Variants in ELMOD3 observed in about 807,000 individuals in gnomAD.
ELMOD3 encodes the protein ELMO domain-containing protein 3.
Under a neutral mutation model 47.4 loss-of-function variants are expected in ELMOD3, and 36 were observed. The ratio of observed to expected loss-of-function variants is 0.76; its 90% CI spans 0.58 to 1.00. The LOEUF (loss-of-function observed/expected upper bound fraction) is 1.00, where lower values mean the gene tolerates loss of function less well. ELMOD3 is among the 50% of genes least tolerant of loss of function. The probability of loss-of-function intolerance (pLI) is 0.00; values close to 1 mark genes in which losing one functional copy is unlikely to be tolerated. For missense variants in ELMOD3, 404 were observed against 463.8 expected (o/e 0.87, Z 1.18); for synonymous variants, 149 against 183.5 (o/e 0.81, Z 1.52).
In ELMOD3 at chr2:85,390,060, G is replaced by A. The variant is rs765719945; in HGVS notation, c.816-78G>A. ...TTTGGGCTGGCTCCCCTGGGGAAAT[G>A]GGGAAGGAAGGCGGGAGGGAACCTA... is the stretch of plus-strand genomic sequence containing the variant. On this transcript the variant is annotated intron_variant, in intron 12 of 13. Transcript: ENST00000409013. 2.1e-6 allele frequency: 3 copies of A among 1,434,416 alleles called. No individual in the cohort carries two copies. The East Asian group carries it at 6.8e-5, about 33-fold the overall frequency. 88.9% of individuals were successfully genotyped at this position (1,434,416 alleles called of 1,614,324 possible).
At chr2:85,372,369 G>A (rs1001650887) in intron 10 of ELMOD3, 1 of 152,064 alleles carries the variant, frequency 6.6e-6, no homozygotes, top group African/African-American at 2.4e-5. Flanking sequence ...GGCTGAGGTG[G>A]AGATGAAAGT....
In ELMOD3 at chr2:85,360,297, C is replaced by T. The variant is rs868504707; in HGVS notation, c.55-1889C>T. Among the ~76,000 whole-genome samples, 166 of 145,314 alleles carry T rather than the reference C, an allele frequency of 1.1e-3. 1 individual carries two copies. Among genetic ancestry groups the T allele is most frequent in the African/African-American group, 3.9e-3 (156 of 39,690 alleles). On this transcript the variant is annotated intron_variant, in intron 4 of 13. Transcript: ENST00000409013. ...AAAAAAAAAAAAAAAGCCACCATTT[C>T]AGTTACCTTTTGTGTAAACCATCTA...
At chr2:85,387,291 G>C in intron 11 of ELMOD3, 1 of 1,020,430 alleles carries the variant, frequency 9.8e-7, no homozygotes, top group Non-Finnish European at 1.2e-6. Context: ...CTAGTACTTT[G>C]CACATGTGAT....
In ELMOD3 at chr2:85,354,834, G is replaced by C. The variant is rs1422124252; in HGVS notation, c.-372+5G>C. On this transcript the variant is annotated splice_donor_5th_base_variant and intron_variant, in intron 1 of 13. Coordinates refer to ENST00000409013, the MANE Select transcript of ELMOD3 (RefSeq NM_001135022.2). ...GTTTGGAAAGCTCTTTTAACGGTGA[G>C]AACGCGTTAACACTTGCCAAGGGGA... The C allele has an allele frequency of 6.0e-5, 15 of 251,708 alleles. No individual in the cohort carries two copies. In the Admixed American group the frequency reaches 7.0e-4, roughly 12 times the overall value. 15.6% of individuals were successfully genotyped at this position (251,708 alleles called of 1,614,324 possible).
chr2:85,368,313 A>G (rs1684543599), intron 6 of ELMOD3: 4 of 214,096 alleles, frequency 1.9e-5, no homozygotes, highest in Non-Finnish European at 2.9e-5. Context: ...CTGTAGTTCC[A>G]GGTACTCAGG....
At chr2:85,373,611 C>A (rs1279813276) in intron 10 of ELMOD3, among the ~76,000 whole-genome samples, 1 of 151,970 alleles carries the variant, frequency 6.6e-6, no homozygotes, top group African/African-American at 2.4e-5. Flanking sequence ...GAGGCCACGG[C>A]GGGAGGATCA....
Position 85,390,892 on chromosome 2 carries a change from T to C in ELMOD3, c.1076T>C (p.Phe359Ser). The C allele has an allele frequency of 6.4e-7, 1 of 1,551,610 alleles. No individual in the cohort carries two copies. The highest frequency in any genetic ancestry group is 2.4e-5 in the East Asian group (1 of 40,900). Residue 359 changes from phenylalanine (F) to serine (S), a missense_variant, in exon 14 of 14, where the codon TTC (phenylalanine) becomes TCC (serine). Coordinates refer to ENST00000409013, the MANE Select transcript of ELMOD3 (RefSeq NM_001135022.2). ...QKCYGPEAPP[F>S]KDLTFTGESD... ...TGCTATGGGCCAGAAGCCCCTCCCT[T>C]CAAGGATCTCACCTTCACAGGTGAG...
rs1011900657 is a variant in ELMOD3 at position 85,363,169 on chromosome 2, A to T, written c.199+3A>T. 2.5e-6 allele frequency: 4 copies of T among 1,594,990 alleles called. No homozygotes were observed. The African/African-American group carries it at 5.4e-5, about 21-fold the overall frequency. On this transcript the variant is annotated splice_donor_region_variant and intron_variant, in intron 6 of 13. Transcript: ENST00000409013. Reference sequence around the variant, plus strand: ...AGCTTATGAATGGGAGCCACGTGGTAAGGTTCCCTTCAGGGCCCTTGGAGT... The same window carrying T: ...AGCTTATGAATGGGAGCCACGTGGTTAGGTTCCCTTCAGGGCCCTTGGAGT...
chr2:85,355,977 C>G (rs987038062), intron 3 of ELMOD3: 1 of 95,042 alleles, frequency 1.1e-5, no homozygotes, highest in African/African-American at 5.1e-5. Flanking sequence ...GGGCTGACCT[C>G]ATAGAGAGGC....
At chr2:85,358,354 T>TTGC (rs997152537) in intron 4 of ELMOD3, among the ~76,000 whole-genome samples, 4 of 152,060 alleles carry the variant, frequency 2.6e-5, no homozygotes, top group African/African-American at 9.7e-5. Flanking sequence ...AGAGGAACTT[T>TTGC]TGCTGCATAC....
intron 6 of ELMOD3, among the ~76,000 whole-genome samples, chr2:85,366,216 C>G (rs555232256): frequency 2.6e-5 from 4 of 151,808 alleles, no homozygotes; most frequent in Non-Finnish European, 4.4e-5. Flanking sequence ...GGTGATCCAC[C>G]CACCTCAGCG....
At position 85,390,868 on chromosome 2, in the gene ELMOD3, G is replaced by T; in HGVS notation, c.1052G>T (p.Cys351Phe). 1 of 1,551,712 alleles carries T rather than the reference G, an allele frequency of 6.4e-7. No individual in the cohort carries two copies. Among genetic ancestry groups the T allele is most frequent in the Non-Finnish European group, 8.7e-7 (1 of 1,147,006 alleles). Residue 351 changes from cysteine (C) to phenylalanine (F), a missense_variant, in exon 14 of 14, where the codon TGC (cysteine) becomes TTC (phenylalanine). Transcript: ENST00000409013. ...GQASLLGAQK[C>F]YGPEAPPFKD... is the part of the protein sequence containing the mutation. Reference sequence around the variant, plus strand: ...GCCTCCTTGTTGGGAGCACAGAAGTGCTATGGGCCAGAAGCCCCTCCCTTC... The same window carrying T: ...GCCTCCTTGTTGGGAGCACAGAAGTTCTATGGGCCAGAAGCCCCTCCCTTC...
At chr2:85,382,532 T>TTTTTTTTTTTTTA (rs1685637622) in intron 11 of ELMOD3, among the ~76,000 whole-genome samples, 1 of 151,342 alleles carries the variant, frequency 6.6e-6, no homozygotes, top group East Asian at 1.9e-4. Context: ...TTTTTTTTTT[T>TTTTTTTTTTTTTA]GAGACAGAGT....
At chr2:85,359,373 T>C (rs1302594554) in intron 4 of ELMOD3, among the ~76,000 whole-genome samples, 1 of 151,700 alleles carries the variant, frequency 6.6e-6, no homozygotes, top group Non-Finnish European at 1.5e-5. Flanking sequence ...TTTGATAATC[T>C]GACTAATGAA....
intron 7 of ELMOD3, among the ~76,000 whole-genome samples, chr2:85,369,067 A>G (rs1684603916): frequency 6.6e-6 from 1 of 152,136 alleles, no homozygotes; most frequent in South Asian, 2.1e-4. Context: ...GCTGGGTAGG[A>G]GGATGGAGAT....
chr2:85,369,173 GT>G (rs1684610145), intron 7 of ELMOD3, among the ~76,000 whole-genome samples: 1 of 152,204 alleles, frequency 6.6e-6, no homozygotes, highest in Non-Finnish European at 1.5e-5. Context: ...TGAAGGCTGA[GT>G]AAAAATTGTC....
chr2:85,386,414 T>G (rs1685925407), intron 11 of ELMOD3, among the ~76,000 whole-genome samples: 2 of 129,612 alleles, frequency 1.5e-5, no homozygotes, highest in Non-Finnish European at 1.6e-5. Context: ...TGAGATGGAG[T>G]CTCGCTCTGT....
At chr2:85,379,887 C>T (rs1685430494) in intron 11 of ELMOD3, among the ~76,000 whole-genome samples, 1 of 152,148 alleles carries the variant, frequency 6.6e-6, no homozygotes, top group African/African-American at 2.4e-5. Context: ...GGTGAATTTC[C>T]TCTCCTCTTG....
At chr2:85,384,204 C>T (rs748978341) in intron 11 of ELMOD3, among the ~76,000 whole-genome samples, 3 of 152,262 alleles carry the variant, frequency 2.0e-5, no homozygotes, top group Non-Finnish European at 4.4e-5. Context: ...TTGCCCTAAG[C>T]AGTTTCCAGC....
Sources: allele counts gnomAD v4.1 joint callset (sites outside exome capture counted in the v4.1 genomes callset), GRCh38; gene constraint gnomAD v4.1.1; transcripts MANE v1.5; gene names NCBI Gene and HGNC (gene_info 2026-07-23, HGNC 2026-07-21).